The following SNRPA1 variants were observed in gnomAD, a reference collection of about 807,000 sequenced individuals.
SNRPA1 encodes the protein small nuclear ribonucleoprotein polypeptide A'.
In SNRPA1, 5 loss-of-function variants were observed where a neutral mutation model predicts 32.3. That is an observed-to-expected ratio of 0.15 (90% CI 0.08 to 0.33). The LOEUF is 0.33. Among genes scored for constraint, SNRPA1 ranks in the 10% least tolerant of loss-of-function variants. The pLI is 1.00. For missense variants in SNRPA1, 198 were observed against 311.1 expected, an observed-to-expected ratio of 0.64 and a Z score of 2.74; for synonymous variants, 111 against 120.1, an observed-to-expected ratio of 0.92 and a Z score of 0.50.
chr15:101,284,908 G>A, intron 8 of SNRPA1, 59 bp downstream of exon 8: 1 of 1,275,682 alleles, frequency 7.8e-7, no homozygotes. Flanking sequence ...CTAAATGGTT[G>A]TGAGTTACAC....
At chr15:101,284,386 AG>A (rs1167954351) in intron 8 of SNRPA1, among the ~76,000 whole-genome samples, 1 of 152,208 alleles carries the variant, frequency 6.6e-6, no homozygotes, top group Non-Finnish European at 1.5e-5. Context: ...AAATATATAT[AG>A]GTAAAAGTCC....
At chr15:101,287,185 CT>C (rs1208480377) in intron 4 of SNRPA1, among the ~76,000 whole-genome samples, 175 bp from the exon 5 acceptor site, 2 of 151,640 alleles carry the variant, frequency 1.3e-5, no homozygotes, top group South Asian at 4.2e-4. Flanking sequence ...GTAAAAGGCA[CT>C]TTTTTTTTAA....
At chr15:101,293,817 T>TA (rs1327099610) in intron 1 of SNRPA1, among the ~76,000 whole-genome samples, 2 of 152,160 alleles carry the variant, frequency 1.3e-5, no homozygotes, top group Non-Finnish European at 2.9e-5. Context: ...CAAGGTCTAC[T>TA]AAAAAAAGAA....
intron 4 of SNRPA1, 108 bp from the exon 5 acceptor site, chr15:101,287,118 T>G: frequency 1.8e-6 from 1 of 559,822 alleles, no homozygotes; most frequent in Non-Finnish European, 3.2e-6. Context: ...ATTCACATTC[T>G]TCACATTGCA....
chr15:101,290,029 A>G (rs971405810), intron 3 of SNRPA1: 9 of 152,016 alleles, frequency 5.9e-5, no homozygotes, highest in Non-Finnish European at 8.8e-5. Flanking sequence ...AAAACGATTT[A>G]TCATGCATAT....
intron 1 of SNRPA1, among the ~76,000 whole-genome samples, chr15:101,294,094 G>T (rs1160261640): frequency 6.6e-6 from 1 of 152,202 alleles, no homozygotes; most frequent in Non-Finnish European, 1.5e-5. Flanking sequence ...AATTAGCCGG[G>T]CGTGGTGGCG....
intron 1 of SNRPA1, chr15:101,294,854 G>A: frequency 2.4e-6 from 1 of 418,292 alleles, no homozygotes; most frequent in Non-Finnish European, 4.3e-6. Context: ...GCACCAGGAA[G>A]TAATGAAGTC....
In SNRPA1 at chr15:101,287,710, G is replaced by A. The variant is rs1209015212; in HGVS notation, c.310-8C>T. The A allele has an allele frequency of 6.2e-7, 1 of 1,613,354 alleles. No individual in the cohort carries two copies. Among genetic ancestry groups the A allele is most frequent in the Non-Finnish European group, 8.5e-7 (1 of 1,179,344 alleles). On this transcript the variant is annotated splice_polypyrimidine_tract_variant and splice_region_variant and intron_variant, in intron 3 of 8. Coordinates refer to ENST00000254193, the MANE Select transcript of SNRPA1 (RefSeq NM_003090.4). ...CAGAGGGTCCAGATCACCCTGTCAA[G>A]CAATAGCCACAGGTAAGAACGCGAA...
chr15:101,290,159 T>C (rs2039506135), intron 3 of SNRPA1, among the ~76,000 whole-genome samples: 1 of 152,096 alleles, frequency 6.6e-6, no homozygotes, highest in South Asian at 2.1e-4. Context: ...TATGAATAAT[T>C]TAAAATTTGT....
At chr15:101,287,143 T>G in intron 4 of SNRPA1, 133 bp from the exon 5 acceptor site, 1 of 524,600 alleles carries the variant, frequency 1.9e-6, no homozygotes, top group Non-Finnish European at 3.4e-6. Context: ...TGTAACAATT[T>G]AACATTAAGG....
intron 4 of SNRPA1, 142 bp from the exon 5 acceptor site, chr15:101,287,152 G>A: frequency 2.0e-6 from 1 of 503,230 alleles, no homozygotes. Context: ...TTAACATTAA[G>A]GAAATATATT....
rs768320016 is a variant in SNRPA1 at position 101,289,925 on chromosome 15, C to CAAAAAAAAAAAAAAAAAAAAAAAA, written c.309+2036_309+2037insTTTTTTTTTTTTTTTTTTTTTTTT. 39 of 69,942 alleles carry CAAAAAAAAAAAAAAAAAAAAAAAA rather than the reference C, an allele frequency of 5.6e-4. 2 individuals are homozygous for CAAAAAAAAAAAAAAAAAAAAAAAA. The highest frequency in any genetic ancestry group is 6.4e-4 in the African/African-American group (10 of 15,710). The allele number at this position is 69,942 out of a possible 1,614,324, so 4.3% of individuals were successfully genotyped here. A position where few individuals can be genotyped will look rare whatever the true frequency, so the allele number is the denominator to read the frequency against. The stretch of plus-strand genomic sequence containing the variant: ...CCACTGCACTCCAGCCACTCCATCT[C>CAAAAAAAAAAAAAAAAAAAAAAAA]AAAAAAAAAAAAAAAAAATTCAACC... On this transcript the variant is annotated intron_variant, in intron 3 of 8. Coordinates refer to ENST00000254193, the MANE Select transcript of SNRPA1 (RefSeq NM_003090.4).
rs2039459361 is a variant in SNRPA1 at position 101,286,764 on chromosome 15, T to C, written c.459+144A>G. ...CATAAACTCTGCTATTAGAAAAAAA[T>C]GTGATGTAACATTTTCCCTCCCACT... On this transcript the variant is annotated intron_variant, in intron 5 of 8. Coordinates refer to ENST00000254193, the MANE Select transcript of SNRPA1 (RefSeq NM_003090.4). The C allele has an allele frequency of 6.9e-6, 4 of 581,430 alleles. No homozygotes were observed. In the Admixed American group the frequency reaches 9.3e-5, roughly 13 times the overall value. 36.0% of individuals were successfully genotyped at this position (581,430 alleles called of 1,614,324 possible).
intron 8 of SNRPA1, chr15:101,284,717 G>T (rs2039435871): frequency 3.0e-6 from 1 of 330,690 alleles, no homozygotes; most frequent in Non-Finnish European, 6.0e-6. Context: ...GGTCAGGCTG[G>T]TCTCGAACTC....
intron 3 of SNRPA1, among the ~76,000 whole-genome samples, chr15:101,289,188 C>T (rs2039492477): frequency 6.6e-6 from 1 of 152,180 alleles, no homozygotes; most frequent in South Asian, 2.1e-4. Flanking sequence ...TTGTTACATA[C>T]ACAGTGTAAA....
intron 1 of SNRPA1, among the ~76,000 whole-genome samples, chr15:101,293,972 G>A (rs2039557703): frequency 6.6e-6 from 1 of 152,250 alleles, no homozygotes; most frequent in Admixed American, 6.5e-5. Context: ...AGTGGCTCAA[G>A]CCTGTAATCC....
chr15:101,287,134 G>GT (rs1391230970), intron 4 of SNRPA1, 124 bp from the exon 5 acceptor site: 1 of 530,792 alleles, frequency 1.9e-6, no homozygotes, highest in Non-Finnish European at 3.4e-6. Flanking sequence ...TTGCAACATT[G>GT]TAACAATTTA....
At chr15:101,285,164 C>A in intron 7 of SNRPA1, 104 bp from the exon 8 acceptor site, 1 of 745,340 alleles carries the variant, frequency 1.3e-6, no homozygotes, top group East Asian at 2.6e-5. Flanking sequence ...AGCAACTTCT[C>A]CATCAGGAAC....
At position 101,287,542 on chromosome 15, in the gene SNRPA1, C is replaced by T. The variant is rs568082864; in HGVS notation, c.356+114G>A. ...TCCTTTTTTATGGCTGCATAGTATT[C>T]CATGGTGCATATGTGCCACATTTTT... On this transcript the variant is annotated intron_variant, in intron 4 of 8. Transcript: ENST00000254193. 4.8e-5 allele frequency: 39 copies of T among 818,118 alleles called. No homozygotes were observed. In the South Asian group the frequency reaches 5.6e-4, roughly 12 times the overall value. 50.7% of individuals were successfully genotyped at this position (818,118 alleles called of 1,614,324 possible).
Sources: allele counts gnomAD v4.1 joint callset (sites outside exome capture counted in the v4.1 genomes callset), GRCh38; gene constraint gnomAD v4.1.1; transcripts MANE v1.5; gene names NCBI Gene and HGNC (gene_info 2026-07-23, HGNC 2026-07-21).